KLF12: variants seen among roughly 807,000 people sequenced by gnomAD.
The protein encoded by KLF12 is KLF transcription factor 12.
KLF12 carries 9 observed loss-of-function variants against 37.8 expected under a neutral mutation model. The ratio of observed to expected loss-of-function variants is 0.24; its 90% confidence interval spans 0.14 to 0.42. KLF12 has a LOEUF of 0.42. Ranked by LOEUF, KLF12 falls within the 10% of genes least tolerant of loss-of-function variation. The pLI, the probability that KLF12 is intolerant of heterozygous loss-of-function variation, is 1.00. For synonymous variants in KLF12, 208 were observed against 202.1 expected, an observed-to-expected ratio of 1.03 and a Z score of -0.25; for missense variants, 411 against 516.0, an observed-to-expected ratio of 0.80 and a Z score of 1.97.
intron 1 of KLF12, among the ~76,000 whole-genome samples, chr13:74,017,917 C>A (rs902546644): frequency 1.3e-5 from 2 of 152,032 alleles, no homozygotes; most frequent in African/African-American, 2.4e-5. Flanking sequence ...CACCAAGGAG[C>A]ACTGTCATCT....
intron 4 of KLF12, among the ~76,000 whole-genome samples, chr13:73,840,559 A>G (rs1179837182): frequency 6.6e-6 from 1 of 151,960 alleles, no homozygotes; most frequent in Non-Finnish European, 1.5e-5. Context: ...AAAAACCTAG[A>G]AGTCACCCTC....
chr13:73,767,236 C>T (rs1007924857), intron 5 of KLF12, among the ~76,000 whole-genome samples: 4 of 152,186 alleles, frequency 2.6e-5, no homozygotes, highest in Non-Finnish European at 4.4e-5. Context: ...CTTCTGCCTT[C>T]TTTCCACATA....
intron 5 of KLF12, among the ~76,000 whole-genome samples, chr13:73,768,112 C>T (rs1371734487): frequency 6.6e-6 from 1 of 152,206 alleles, no homozygotes; most frequent in Admixed American, 6.5e-5. Flanking sequence ...GCCTGCCTGA[C>T]TGAATCCCAG....
chr13:74,298,610 A>C, the KLF12 span, among the ~76,000 whole-genome samples: 1 of 152,164 alleles, frequency 6.6e-6, no homozygotes, highest in Non-Finnish European at 1.5e-5. Flanking sequence ...CTAAAATGGC[A>C]GGGTTTTATC....
Position 73,846,058 on chromosome 13 carries a change from G to A in KLF12, c.439C>T (p.Pro147Ser). 6.2e-7 allele frequency: 1 copy of A among 1,614,076 alleles called. No individual in the cohort carries two copies. Among genetic ancestry groups the A allele is most frequent in the Non-Finnish European group, 8.5e-7 (1 of 1,179,988 alleles). The change falls in exon 4 of 8, where the codon CCC becomes TCC. Residue 147 changes from proline (P) to serine (S), a missense_variant. Pro to Ser is a moderately conservative substitution (Grantham distance 74). This residue lies in a region of KLF12 where 351 missense variants were observed against 397.8 expected (regional missense o/e 0.88). Coordinates refer to ENST00000377669, the MANE Select transcript of KLF12 (RefSeq NM_007249.5). ...ACACCAGATGCAGAGGCCACAAGGG[G>A]CCCTGGAGTTAATACTGTTGACGAA... is the stretch of plus-strand genomic sequence containing the variant.
At chr13:73,706,464 T>G (rs1471239890) in intron 7 of KLF12, among the ~76,000 whole-genome samples, 2 of 152,256 alleles carry the variant, frequency 1.3e-5, no homozygotes, top group Admixed American at 1.3e-4. Context: ...GTTGCCTACA[T>G]TCCAATCATT....
At chr13:74,141,075 A>AG in the KLF12 span, among the ~76,000 whole-genome samples, 32 of 152,156 alleles carry the variant, frequency 2.1e-4, no homozygotes, top group Non-Finnish European at 3.2e-4. Context: ...ACAAAAAAAA[A>AG]AGAAACGAGG....
the KLF12 span, among the ~76,000 whole-genome samples, chr13:74,226,600 C>A: frequency 6.6e-6 from 1 of 152,122 alleles, no homozygotes; most frequent in Non-Finnish European, 1.5e-5. Context: ...TTAAAAAAAT[C>A]AACCCAACCC....
Position 73,800,182 on chromosome 13 carries a change from G to A in KLF12, c.806+12970C>T, listed in dbSNP as rs922469450. On this transcript the variant is annotated intron_variant, in intron 5 of 7. Coordinates refer to ENST00000377669, the MANE Select transcript of KLF12 (RefSeq NM_007249.5). ...TCTCCTAGAATAAGCCTTTTGTCAAGCTCTGTATTTCAGAAACACTACTCT... is the reference window on the plus strand; with the variant it reads ...TCTCCTAGAATAAGCCTTTTGTCAAACTCTGTATTTCAGAAACACTACTCT... 4.6e-5 allele frequency: 7 copies of A among 152,140 alleles called. No individual in the cohort carries two copies. The South Asian group carries it at 1.5e-3, about 32-fold the overall frequency. The allele number at this position is 152,140 out of a possible 1,614,324, so 9.4% of individuals were successfully genotyped here. A position where few individuals can be genotyped will look rare whatever the true frequency, so the allele number is the denominator to read the frequency against.
chr13:73,846,090 G>T lies in KLF12; in HGVS notation c.407C>A (p.Ala136Glu). The change falls in exon 4 of 8, where the codon GCG (alanine) becomes GAG (glutamate). Residue 136 changes from alanine (A) to glutamate (E), a missense_variant. Ala to Glu is a moderately radical substitution (Grantham distance 107). Transcript: ENST00000377669. Reference sequence around the variant, plus strand: ...AGTTAATACTGTTGACGAAGATGACGCTGAAGATACTGATGTGATAACAGT... The same window carrying T: ...AGTTAATACTGTTGACGAAGATGACTCTGAAGATACTGATGTGATAACAGT... 6.2e-7 allele frequency: 1 copy of T among 1,614,068 alleles called. No individual in the cohort carries two copies. Among genetic ancestry groups the T allele is most frequent in the Non-Finnish European group, 8.5e-7 (1 of 1,179,990 alleles).
At chr13:73,950,083 T>A (rs1046741105) in intron 2 of KLF12, among the ~76,000 whole-genome samples, 2 of 152,266 alleles carry the variant, frequency 1.3e-5, no homozygotes, top group African/African-American at 4.8e-5. Context: ...CTGGTAAAAC[T>A]GTCTATGTAA....
chr13:74,034,226 C>A (rs1174907455), intron 1 of KLF12, among the ~76,000 whole-genome samples: 1 of 148,444 alleles, frequency 6.7e-6, no homozygotes, highest in Non-Finnish European at 1.5e-5. Context: ...CCATGCCTGG[C>A]GAATTTTTTG....
chr13:74,066,498 C>A (rs967776534), intron 1 of KLF12, among the ~76,000 whole-genome samples: 1 of 151,892 alleles, frequency 6.6e-6, no homozygotes, highest in Non-Finnish European at 1.5e-5. Flanking sequence ...CTTGTTTCTA[C>A]CAGAAATCAA....
intron 6 of KLF12, among the ~76,000 whole-genome samples, chr13:73,744,830 CATT>C (rs1878253359): frequency 6.6e-6 from 1 of 152,182 alleles, no homozygotes; most frequent in Non-Finnish European, 1.5e-5. Flanking sequence ...CATGTCTCTA[CATT>C]ATTAGGGTTC....
At chr13:73,718,024 A>G (rs925510539) in intron 6 of KLF12, among the ~76,000 whole-genome samples, 10 of 152,322 alleles carry the variant, frequency 6.6e-5, no homozygotes, top group African/African-American at 2.4e-4. Context: ...AAGTGAGAAA[A>G]TGATAGAGTA....
chr13:73,927,848 A>G (rs531116760), intron 3 of KLF12, among the ~76,000 whole-genome samples: 2 of 127,876 alleles, frequency 1.6e-5, no homozygotes, highest in East Asian at 4.6e-4. Flanking sequence ...TCGGCCTCCC[A>G]AAGTGCTGGG....
At chr13:74,107,521 G>A (rs1014707666) in intron 1 of KLF12, among the ~76,000 whole-genome samples, 7 of 152,230 alleles carry the variant, frequency 4.6e-5, no homozygotes, top group African/African-American at 1.4e-4. Context: ...TTACTTAAAT[G>A]TGAGGTCTCT....
the KLF12 span, among the ~76,000 whole-genome samples, chr13:74,290,749 A>G: frequency 2.0e-5 from 3 of 152,212 alleles, no homozygotes; most frequent in African/African-American, 7.2e-5. Context: ...GCACTTCAAC[A>G]AACTGTTGGA....
rs1471092232 is a variant in KLF12, at chr13:73,695,280, C to G, written c.*210G>C. On this transcript the variant is annotated 3_prime_UTR_variant, in exon 8 of 8. Coordinates refer to ENST00000377669, the MANE Select transcript of KLF12 (RefSeq NM_007249.5). ...CTTCAGCATTTATGTCACTGAGCTC[C>G]CAGGCCCGGGTAAAGACGGTTCTCG... 2 of 539,432 alleles carry G rather than the reference C, an allele frequency of 3.7e-6. No homozygotes were observed. Among genetic ancestry groups the G allele is most frequent in the Non-Finnish European group, 6.6e-6 (2 of 303,572 alleles). 33.4% of individuals were successfully genotyped at this position (539,432 alleles called of 1,614,324 possible).
Sources: gnomAD v4.1 joint callset for allele counts (sites outside exome capture counted in the v4.1 genomes callset) on GRCh38, gnomAD v4.1.1 for gene constraint, gnomAD v4.1.1 regional missense constraint, MANE v1.5 for transcripts, NCBI Gene and HGNC (gene_info 2026-07-23, HGNC 2026-07-21) for gene names.